GEMIN5: variants seen among roughly 807,000 people sequenced by gnomAD.
GEMIN5 encodes gem-associated protein 5.
In GEMIN5, 124 loss-of-function variants were observed where a neutral mutation model predicts 176.9. That is an observed-to-expected ratio of 0.70 (90% CI 0.61 to 0.81). The LOEUF (loss-of-function observed/expected upper bound fraction) is 0.81, where lower values mean the gene tolerates loss of function less well. Ranked by LOEUF, GEMIN5 falls within the 40% of genes least tolerant of loss-of-function variation. GEMIN5 has a pLI of 0.00. For synonymous variants in GEMIN5, 673 were observed against 665.2 expected, an observed-to-expected ratio of 1.01 and a Z score of -0.18; for missense variants, 1,843 against 1,814.6, an observed-to-expected ratio of 1.02 and a Z score of -0.28.
chr5:154,923,045 C>A (rs966507829), intron 9 of GEMIN5, among the ~76,000 whole-genome samples: 2 of 152,092 alleles, frequency 1.3e-5, no homozygotes, highest in Non-Finnish European at 2.9e-5. Flanking sequence ...TAGTCAACTG[C>A]ATGTAGGTTC....
At position 154,938,164 on chromosome 5, in the gene GEMIN5, G is replaced by A. The variant is rs759959802; in HGVS notation, c.-31C>T. On this transcript the variant is annotated 5_prime_UTR_variant, in exon 1 of 28. Coordinates refer to ENST00000285873, the MANE Select transcript of GEMIN5 (RefSeq NM_015465.5). ...CAAGCCGTCAGAGACAAGAGAAGCTGCCACAGCCGACCGCTCGTAGCCTCA... is the reference window on the plus strand; with the variant it reads ...CAAGCCGTCAGAGACAAGAGAAGCTACCACAGCCGACCGCTCGTAGCCTCA... 18 of 1,342,166 alleles carry A rather than the reference G, an allele frequency of 1.3e-5. No individual in the cohort carries two copies. The highest frequency in any genetic ancestry group is 4.1e-5 in the South Asian group (2 of 48,532). The allele number at this position is 1,342,166 out of a possible 1,614,324, so 83.1% of individuals were successfully genotyped here. A position where few individuals can be genotyped will look rare whatever the true frequency, so the allele number is the denominator to read the frequency against.
At chr5:154,902,158 T>C (rs900090804) in intron 20 of GEMIN5, among the ~76,000 whole-genome samples, 6 of 151,910 alleles carry the variant, frequency 3.9e-5, no homozygotes, top group African/African-American at 1.2e-4. Context: ...CAGACTAGAA[T>C]ACACTGGCTA....
intron 24 of GEMIN5, among the ~76,000 whole-genome samples, chr5:154,895,340 A>AG (rs1334354810): frequency 8.4e-4 from 109 of 130,490 alleles, no homozygotes; most frequent in African/African-American, 2.8e-3. Context: ...AGAAAGGAAA[A>AG]AAAAAAAAAA....
At position 154,911,144 on chromosome 5, in the gene GEMIN5, C is replaced by T. The variant is rs192508231; in HGVS notation, c.2167+583G>A. Among the ~76,000 whole-genome samples the T allele has an allele frequency of 7.6e-4, 115 of 152,266 alleles. 1 individual carries two copies. The highest frequency in any genetic ancestry group is 2.6e-3 in the African/African-American group (108 of 41,532). ...AAGAATGTTCCAGGTTCAGTTTGTT[C>T]TCTACCTGTCCCAGACTGGAACCAG... On this transcript the variant is annotated intron_variant, in intron 15 of 27. Coordinates refer to ENST00000285873, the MANE Select transcript of GEMIN5 (RefSeq NM_015465.5).
In GEMIN5 at chr5:154,925,888, G is replaced by A. The variant is rs1348407784; in HGVS notation, c.1267C>T (p.Gln423Ter). 2.6e-5 allele frequency: 42 copies of A among 1,612,582 alleles called. No homozygotes were observed. The highest frequency in any genetic ancestry group is 3.5e-5 in the Non-Finnish European group (41 of 1,178,806). ...KNNYDVKNFWQGVKSKVTALC... is the reference protein window; with the variant it reads ...KNNYDVKNFW ...GCTGTAACCTTGGACTTCACGCCTT[G>A]CCAAAAATTTTTCACATCATAGTTG... The change falls in exon 8 of 28, where the codon CAA becomes TAA. Residue 423 changes from glutamine to a stop codon, truncating the protein, a stop_gained. Transcript: ENST00000285873. LOFTEE classifies it high-confidence loss of function.
At chr5:154,926,463 A>G (rs1470841532) in intron 7 of GEMIN5, among the ~76,000 whole-genome samples, 1 of 152,200 alleles carries the variant, frequency 6.6e-6, no homozygotes, top group East Asian at 1.9e-4. Flanking sequence ...AAAAGGCAAA[A>G]CACCTTATCA....
intron 13 of GEMIN5, among the ~76,000 whole-genome samples, chr5:154,915,037 CTAT>C (rs1222221061): frequency 1.3e-5 from 2 of 152,092 alleles, no homozygotes; most frequent in Admixed American, 6.6e-5. Context: ...CTTCCTTTCT[CTAT>C]TATTTAGTAG....
chr5:154,892,175 T>C (rs1370567627), intron 25 of GEMIN5, among the ~76,000 whole-genome samples: 1 of 152,238 alleles, frequency 6.6e-6, no homozygotes, highest in African/African-American at 2.4e-5. Context: ...TTGTGGAAAG[T>C]GGACAGGAGG....
chr5:154,919,965 A>C lies in GEMIN5; in HGVS notation c.1599+2T>G, dbSNP rs762815238. 6.2e-7 allele frequency: 1 copy of C among 1,612,702 alleles called. No individual in the cohort carries two copies. Among genetic ancestry groups the C allele is most frequent in the Non-Finnish European group, 8.5e-7 (1 of 1,179,384 alleles). ...AAATACTTCAGGACCACAAGAACTC[A>C]CTTTGATTGAATTGGTGTCCCTGAT... On this transcript the variant is annotated splice_donor_variant, in intron 11 of 27. Coordinates refer to ENST00000285873, the MANE Select transcript of GEMIN5 (RefSeq NM_015465.5). LOFTEE classifies it high-confidence loss of function.
At position 154,892,441 on chromosome 5, in the gene GEMIN5, C is replaced by A; in HGVS notation, c.3706G>T (p.Asp1236Tyr). Residue 1236 changes from aspartate (D) to tyrosine (Y), a missense_variant, in exon 25 of 28, where the codon GAC (aspartate) becomes TAC (tyrosine). Coordinates refer to ENST00000285873, the MANE Select transcript of GEMIN5 (RefSeq NM_015465.5). ...ALLRAVVRSYDSGSFTIMQEV... is the reference protein window; with the variant it reads ...ALLRAVVRSYYSGSFTIMQEV... ...TGCATGATGGTGAAGCTCCCTGAGT[C>A]ATAGCTCCGGACCACCGCCCGAAGG... 4.3e-6 allele frequency: 7 copies of A among 1,614,160 alleles called. No individual in the cohort carries two copies. The highest frequency in any genetic ancestry group is 5.9e-6 in the Non-Finnish European group (7 of 1,180,036).
intron 7 of GEMIN5, among the ~76,000 whole-genome samples, chr5:154,927,144 C>T (rs1375195658): frequency 1.3e-5 from 2 of 152,076 alleles, no homozygotes; most frequent in Non-Finnish European, 2.9e-5. Context: ...TACATCCTTC[C>T]CTGGGCAAAA....
chr5:154,926,574 A>G (rs992584699), intron 7 of GEMIN5, among the ~76,000 whole-genome samples: 33 of 152,228 alleles, frequency 2.2e-4, no homozygotes, highest in Non-Finnish European at 1.5e-4. Context: ...CTTAACTGCA[A>G]AACAGTAAGG....
In GEMIN5 at chr5:154,921,363, G is replaced by A; in HGVS notation, c.1442C>T (p.Pro481Leu). ...CTTACCAAGTGACATGGGGGGTACTGGTGGCCCCCAGGCTAAAGTATATAC... is the reference window on the plus strand; with the variant it reads ...CTTACCAAGTGACATGGGGGGTACTAGTGGCCCCCAGGCTAAAGTATATAC... ...KTVYTLAWGP[P>L]VPPMSLGGEG... The change falls in exon 10 of 28, where the codon CCA becomes CTA. Residue 481 changes from proline (P) to leucine (L), a missense_variant. Pro to Leu is a moderately conservative substitution (Grantham distance 98, BLOSUM62 -3). Transcript: ENST00000285873. The A allele has an allele frequency of 7.0e-7, 1 of 1,437,826 alleles. No individual in the cohort carries two copies. Among genetic ancestry groups the A allele is most frequent in the South Asian group, 1.2e-5 (1 of 86,168 alleles). 89.1% of individuals were successfully genotyped at this position (1,437,826 alleles called of 1,614,324 possible). A position where few individuals can be genotyped will look rare whatever the true frequency, so the allele number is the denominator to read the frequency against.
chr5:154,892,726 G>T, intron 24 of GEMIN5, 177 bp from the exon 25 acceptor site: 1 of 595,436 alleles, frequency 1.7e-6, no homozygotes. Context: ...CTCATGTCTA[G>T]TTGCACAGCA....
Position 154,937,957 on chromosome 5 carries a change from TG to T in GEMIN5, c.166+10del. On this transcript the variant is annotated intron_variant, in intron 1 of 27. Coordinates refer to ENST00000285873, the MANE Select transcript of GEMIN5 (RefSeq NM_015465.5). ...GGGCAGTAAGTCTCGGGCCCAAGGG[TG>T]GTGAGTTACCTCGAAACGGGGGTGT... 6.4e-7 allele frequency: 1 copy of T among 1,565,266 alleles called. No individual in the cohort carries two copies. The highest frequency in any genetic ancestry group is 1.2e-5 in the South Asian group (1 of 86,622).
chr5:154,902,767 G>C, intron 19 of GEMIN5, 91 bp from the exon 20 acceptor site: 1 of 1,329,886 alleles, frequency 7.5e-7, no homozygotes, highest in Non-Finnish European at 1.1e-6. Context: ...AAGAGAAAGT[G>C]AGCTCCTAAA....
chr5:154,925,350 GTTGT>G (rs1439045104), intron 8 of GEMIN5, among the ~76,000 whole-genome samples: 5 of 152,174 alleles, frequency 3.3e-5, no homozygotes, highest in Admixed American at 2.0e-4. Flanking sequence ...CTATTTTTGT[GTTGT>G]TTGATTTTCT....
chr5:154,931,406 T>TAC, intron 5 of GEMIN5, 52 bp downstream of exon 5: 1 of 1,541,498 alleles, frequency 6.5e-7, no homozygotes, highest in Non-Finnish European at 8.8e-7. Flanking sequence ...GAAAACCCTC[T>TAC]ACTTCCACCA....
intron 6 of GEMIN5, 26 bp from the exon 7 acceptor site, chr5:154,927,576 G>T: frequency 6.5e-7 from 1 of 1,541,064 alleles, no homozygotes; most frequent in Non-Finnish European, 8.9e-7. Flanking sequence ...ATAAGCATTA[G>T]TTCTTTTACA....
Sources: gnomAD v4.1 joint callset for allele counts (sites outside exome capture counted in the v4.1 genomes callset) on GRCh38, gnomAD v4.1.1 for gene constraint, MANE v1.5 for transcripts, NCBI Gene and HGNC (gene_info 2026-07-23, HGNC 2026-07-21) for gene names.